ACSM3: variants seen among roughly 807,000 people sequenced by gnomAD.
ACSM3 encodes acyl-coenzyme A synthetase ACSM3, mitochondrial.
ACSM3 carries 61 observed loss-of-function variants against 74.1 expected under a neutral mutation model. The observed-to-expected ratio is 0.82, with a 90% CI of 0.67 to 1.02. ACSM3 has a LOEUF of 1.02. ACSM3 is among the 50% of genes least tolerant of loss of function. The probability of loss-of-function intolerance (pLI) is 0.00; values close to 1 mark genes in which losing one functional copy is unlikely to be tolerated. For missense variants in ACSM3, 660 were observed against 697.0 expected, an observed-to-expected ratio of 0.95 and a Z score of 0.60; for synonymous variants, 213 against 241.5, an observed-to-expected ratio of 0.88 and a Z score of 1.09.
At chr16:20,675,443 G>C (rs1384997722) in intron 1 of ACSM3, among the ~76,000 whole-genome samples, 1 of 152,108 alleles carries the variant, frequency 6.6e-6, no homozygotes. Context: ...GGCAGGGAAA[G>C]GCACGTTCCT....
At chr16:20,733,872 C>T (rs1241269479) in intron 1 of ACSM3, 1 of 151,932 alleles carries the variant, frequency 6.6e-6, no homozygotes, top group African/African-American at 2.4e-5. Context: ...CATAAGACTG[C>T]AGTTTTTTTA....
At chr16:20,791,073 A>C (rs2080586685) in intron 10 of ACSM3, 1 of 755,446 alleles carries the variant, frequency 1.3e-6, no homozygotes, top group Non-Finnish European at 2.1e-6. Flanking sequence ...GGTGGGATTA[A>C]GCAAATGTCT....
At chr16:20,774,713 G>A (rs2080235124) in intron 2 of ACSM3, among the ~76,000 whole-genome samples, 1 of 152,170 alleles carries the variant, frequency 6.6e-6, no homozygotes, top group African/African-American at 2.4e-5. Flanking sequence ...CATCATAAGG[G>A]TGCCAGCAGT....
chr16:20,797,499 G>T lies in ACSM3; in HGVS notation c.*527G>T. On this transcript the variant is annotated 3_prime_UTR_variant, in exon 14 of 14. Coordinates refer to ENST00000289416, the MANE Select transcript of ACSM3 (RefSeq NM_005622.4). Reference sequence around the variant, plus strand: ...AATAATTTAAAAATAGTTTAGACTTGTTTCAAGGTCTAACTATAAAAGAAG... The same window carrying T: ...AATAATTTAAAAATAGTTTAGACTTTTTTCAAGGTCTAACTATAAAAGAAG... 8.8e-7 allele frequency: 1 copy of T among 1,133,164 alleles called. No individual in the cohort carries two copies. The highest frequency in any genetic ancestry group is 1.1e-6 in the Non-Finnish European group (1 of 924,846). The allele number at this position is 1,133,164 out of a possible 1,614,324, so 70.2% of individuals were successfully genotyped here.
At chr16:20,743,764 A>G (rs1280161855) in intron 1 of ACSM3, 4 of 152,250 alleles carry the variant, frequency 2.6e-5, no homozygotes, top group African/African-American at 9.6e-5. Context: ...TTGTTTGTGA[A>G]GAGCAGTGTC....
At chr16:20,734,453 CCT>C (rs1861849287) in intron 1 of ACSM3, 1 of 152,324 alleles carries the variant, frequency 6.6e-6, no homozygotes, top group African/African-American at 2.4e-5. Context: ...TCTCTTTGCC[CCT>C]CTCAAATCAT....
At chr16:20,793,351 C>T (rs1014203364) in intron 12 of ACSM3, among the ~76,000 whole-genome samples, 2 of 152,154 alleles carry the variant, frequency 1.3e-5, no homozygotes, top group Admixed American at 1.3e-4. Flanking sequence ...CGCCTGTAAT[C>T]CCTGCTACTT....
intron 1 of ACSM3, among the ~76,000 whole-genome samples, chr16:20,683,684 G>A (rs1567308558): frequency 7.0e-6 from 1 of 142,858 alleles, no homozygotes; most frequent in African/African-American, 2.6e-5. Context: ...ACCACGCCTG[G>A]CTAATTCTTT....
At chr16:20,737,680 C>CT (rs2079882123) in intron 1 of ACSM3, 1 of 1,578,936 alleles carries the variant, frequency 6.3e-7, no homozygotes, top group Non-Finnish European at 8.6e-7. Flanking sequence ...CATTGAATGC[C>CT]TATGGAAAAT....
intron 1 of ACSM3, among the ~76,000 whole-genome samples, chr16:20,677,933 T>C (rs549247281): frequency 6.6e-6 from 1 of 152,176 alleles, no homozygotes; most frequent in African/African-American, 2.4e-5. Flanking sequence ...TCTACAGCTC[T>C]TAAATGCTGT....
intron 1 of ACSM3, among the ~76,000 whole-genome samples, chr16:20,710,144 G>T (rs1181349100): frequency 6.6e-6 from 1 of 152,164 alleles, no homozygotes; most frequent in Non-Finnish European, 1.5e-5. Flanking sequence ...CCAGTGTTTA[G>T]GATGAGATAA....
intron 1 of ACSM3, among the ~76,000 whole-genome samples, chr16:20,747,085 A>G (rs914948118): frequency 3.3e-5 from 5 of 152,118 alleles, no homozygotes; most frequent in African/African-American, 1.2e-4. Flanking sequence ...TAAAAAAAAA[A>G]ACAAGTTTTC....
At chr16:20,741,637 C>T (rs1350868373) in intron 1 of ACSM3, 4 of 1,581,028 alleles carry the variant, frequency 2.5e-6, no homozygotes, top group African/African-American at 2.7e-5. Flanking sequence ...TGACGGGGCC[C>T]GCCAGCGTCG....
At chr16:20,678,901 G>C (rs913359939) in intron 1 of ACSM3, among the ~76,000 whole-genome samples, 29 of 152,064 alleles carry the variant, frequency 1.9e-4, no homozygotes, top group African/African-American at 6.8e-4. Context: ...CCCCCTCTGA[G>C]ATTTTGTTCA....
chr16:20,737,147 C>T (rs2079877334), intron 1 of ACSM3: 2 of 1,614,086 alleles, frequency 1.2e-6, no homozygotes, highest in Non-Finnish European at 1.7e-6. Flanking sequence ...TCACCACCTC[C>T]TGGAGATTGT....
intron 1 of ACSM3, among the ~76,000 whole-genome samples, chr16:20,765,733 T>A (rs1431755727): frequency 2.0e-5 from 3 of 152,222 alleles, no homozygotes; most frequent in African/African-American, 7.2e-5. Flanking sequence ...AAATGCGTTG[T>A]CCAATTTAAA....
At chr16:20,681,479 C>G (rs1265319847) in intron 1 of ACSM3, 1 of 152,180 alleles carries the variant, frequency 6.6e-6, no homozygotes, top group African/African-American at 2.4e-5. Flanking sequence ...ATTCAAAACC[C>G]TCACTGGTGG....
intron 1 of ACSM3, chr16:20,702,717 T>C (rs1232234753): frequency 6.6e-6 from 1 of 152,216 alleles, no homozygotes; most frequent in Non-Finnish European, 1.5e-5. Flanking sequence ...ATATTAGCCA[T>C]TTGTCGGATG....
At chr16:20,789,575 A>G (rs751687346) in intron 9 of ACSM3, 12 of 1,544,914 alleles carry the variant, frequency 7.8e-6, no homozygotes, top group Admixed American at 3.3e-5. Flanking sequence ...AAGTTTGAAA[A>G]CCAGTAATGA....
Sources: allele counts gnomAD v4.1 joint callset (sites outside exome capture counted in the v4.1 genomes callset), GRCh38; gene constraint gnomAD v4.1.1; transcripts MANE v1.5; gene names NCBI Gene and HGNC (gene_info 2026-07-23, HGNC 2026-07-21).